LRRC37A2: variants seen among roughly 807,000 people sequenced by gnomAD.
LRRC37A2 encodes the protein leucine-rich repeat-containing protein 37A2.
A neutral mutation model predicts 68.8 loss-of-function variants in LRRC37A2; 9 were observed. The observed-to-expected ratio is 0.13, with a 90% confidence interval of 0.08 to 0.23. The LOEUF is 0.23. LRRC37A2 is among the 10% of genes least tolerant of loss of function. The probability of loss-of-function intolerance (pLI) is 1.00; values close to 1 mark genes in which losing one functional copy is unlikely to be tolerated. For missense variants in LRRC37A2, 168 were observed against 950.4 expected, an observed-to-expected ratio of 0.18 and a Z score of 10.82; for synonymous variants, 63 against 367.6, an observed-to-expected ratio of 0.17 and a Z score of 9.48.
the LRRC37A2 span, chr17:47,010,342 G>A: frequency 1.3e-5 from 2 of 152,256 alleles, no homozygotes; most frequent in Non-Finnish European, 2.9e-5. Context: ...CAGGAGGCAG[G>A]GCCCTGGGAC....
chr17:46,709,017 G>T, the LRRC37A2 span, among the ~76,000 whole-genome samples: 17 of 151,122 alleles, frequency 1.1e-4, no homozygotes, highest in East Asian at 3.1e-3. Flanking sequence ...TAGAGACGAG[G>T]TTTCACTTTG....
the LRRC37A2 span, among the ~76,000 whole-genome samples, chr17:46,823,119 TA>T: frequency 7.6e-6 from 1 of 131,366 alleles, no homozygotes; most frequent in African/African-American, 2.9e-5. Flanking sequence ...ATATATTATA[TA>T]TTATATATTA....
the LRRC37A2 span, among the ~76,000 whole-genome samples, chr17:46,494,611 C>A: frequency 6.6e-6 from 1 of 151,376 alleles, no homozygotes; most frequent in African/African-American, 2.5e-5. Context: ...TTTGCTGATT[C>A]CTGGCCTGAC....
chr17:46,923,127 AG>A, the LRRC37A2 span: 2 of 1,125,316 alleles, frequency 1.8e-6, no homozygotes, highest in African/African-American at 1.5e-5. Context: ...GGAAACCGGA[AG>A]GGGGGCTGTG....
intron 6 of LRRC37A2, among the ~76,000 whole-genome samples, chr17:46,535,344 T>A (rs2054530089): frequency 7.5e-6 from 1 of 133,034 alleles, no homozygotes; most frequent in Non-Finnish European, 1.5e-5. Flanking sequence ...GATCCCTCAG[T>A]TTTTCCTACT....
chr17:46,541,405 C>A (rs2055290668), intron 8 of LRRC37A2, among the ~76,000 whole-genome samples: 1 of 148,122 alleles, frequency 6.8e-6, no homozygotes, highest in Non-Finnish European at 1.5e-5. Flanking sequence ...GCGCATGCCA[C>A]CACACCTGGC....
At chr17:46,750,270 T>C in the LRRC37A2 span, among the ~76,000 whole-genome samples, 1 of 152,138 alleles carries the variant, frequency 6.6e-6, no homozygotes, top group African/African-American at 2.4e-5. Flanking sequence ...GGAGAATCTC[T>C]TGAACCCAGG....
At chr17:46,824,026 G>A in the LRRC37A2 span, among the ~76,000 whole-genome samples, 1 of 152,130 alleles carries the variant, frequency 6.6e-6, no homozygotes, top group African/African-American at 2.4e-5. Context: ...CCCAGTCAGT[G>A]TCTGCTAAGC....
the LRRC37A2 span, chr17:46,773,641 C>CCG: frequency 1.9e-6 from 1 of 519,240 alleles, no homozygotes; most frequent in Non-Finnish European, 3.1e-6. Context: ...CCCAGCCCCT[C>CCG]CCCCCCCCTC....
the LRRC37A2 span, among the ~76,000 whole-genome samples, chr17:46,884,228 G>A: frequency 1.3e-5 from 2 of 152,142 alleles, no homozygotes; most frequent in Admixed American, 6.5e-5. Flanking sequence ...CCAGCCCTCC[G>A]AGCCCGGGGT....
chr17:46,741,942 G>A, the LRRC37A2 span, among the ~76,000 whole-genome samples: 1 of 152,130 alleles, frequency 6.6e-6, no homozygotes, highest in Non-Finnish European at 1.5e-5. Context: ...ATTTAGTAGA[G>A]ACAGCATTTC....
At chr17:46,993,492 C>T in the LRRC37A2 span, among the ~76,000 whole-genome samples, 1 of 152,376 alleles carries the variant, frequency 6.6e-6, no homozygotes, top group African/African-American at 2.4e-5. Flanking sequence ...AGCGTCACAG[C>T]CTGCAGCCAA....
chr17:46,816,140 C>T, the LRRC37A2 span, among the ~76,000 whole-genome samples: 9 of 55,852 alleles, frequency 1.6e-4, no homozygotes, highest in Admixed American at 3.8e-4. Flanking sequence ...CTCACACACA[C>T]GCACGCACGC....
At chr17:46,991,414 G>A in the LRRC37A2 span, among the ~76,000 whole-genome samples, 4 of 152,034 alleles carry the variant, frequency 2.6e-5, no homozygotes, top group Admixed American at 2.6e-4. Flanking sequence ...ATCACCTGAG[G>A]TCAAGAGTTC....
chr17:46,941,234 T>G, the LRRC37A2 span: 1 of 995,692 alleles, frequency 1.0e-6, no homozygotes, highest in Admixed American at 5.3e-5. Context: ...TTTTTTAGAC[T>G]TCACTGCGGA....
the LRRC37A2 span, chr17:46,872,893 C>A: frequency 8.2e-7 from 1 of 1,222,400 alleles, no homozygotes; most frequent in Non-Finnish European, 1.1e-6. Context: ...CACTGCCCTT[C>A]CTGCCCTAGC....
At chr17:46,979,153 C>A in the LRRC37A2 span, 1 of 902,422 alleles carries the variant, frequency 1.1e-6, no homozygotes, top group South Asian at 3.5e-5. Flanking sequence ...TGGCTGCCTG[C>A]GCGCTCTCGG....
the LRRC37A2 span, among the ~76,000 whole-genome samples, chr17:46,905,780 TTGTGTG>T: frequency 8.5e-6 from 1 of 116,962 alleles, no homozygotes; most frequent in African/African-American, 3.2e-5. Flanking sequence ...CTCTGTGTGT[TTGTGTG>T]TGTGTGTGTG....
At chr17:46,773,455 C>T in the LRRC37A2 span, among the ~76,000 whole-genome samples, 1 of 152,124 alleles carries the variant, frequency 6.6e-6, no homozygotes, top group East Asian at 1.9e-4. Flanking sequence ...TTCTTGGTGT[C>T]GGCCCTCAAA....
Sources: gnomAD v4.1 joint callset for allele counts (sites outside exome capture counted in the v4.1 genomes callset) on GRCh38, gnomAD v4.1.1 for gene constraint, MANE v1.5 for transcripts, NCBI Gene and HGNC (gene_info 2026-07-23, HGNC 2026-07-21) for gene names.